TAB2: variants seen among roughly 807,000 people sequenced by gnomAD.
TAB2 encodes the protein TGF-beta-activated kinase 1 and MAP3K7-binding protein 2.
A neutral mutation model predicts 65.0 loss-of-function variants in TAB2; 3 were observed. That is an observed-to-expected ratio of 0.05 (90% CI 0.02 to 0.12). The LOEUF (loss-of-function observed/expected upper bound fraction) is 0.12. TAB2 is among the 10% of genes least tolerant of loss of function. The pLI is 1.00. For missense variants in TAB2, 623 were observed against 840.3 expected (o/e 0.74, Z 3.20); for synonymous variants, 298 against 285.1 (o/e 1.05, Z -0.46).
intron 1 of TAB2, among the ~76,000 whole-genome samples, chr6:149,333,035 T>C (rs772353801): frequency 1.1e-4 from 17 of 152,266 alleles, no homozygotes; most frequent in Non-Finnish European, 2.2e-4. Context: ...ATTATCTGTT[T>C]ACTTTTCAGT....
upstream of TAB2, among the ~76,000 whole-genome samples, chr6:149,315,493 AG>A (rs1779233417): frequency 6.6e-6 from 1 of 152,248 alleles, no homozygotes; most frequent in Non-Finnish European, 1.5e-5. Context: ...CTTATAAACA[AG>A]GATATTCTCA....
intron 1 of TAB2, among the ~76,000 whole-genome samples, chr6:149,342,262 C>T (rs1780154065): frequency 1.3e-5 from 2 of 151,862 alleles, no homozygotes; most frequent in South Asian, 2.1e-4. Context: ...ATTAGGGGAG[C>T]GTTTAGAAGA....
At chr6:149,317,281 C>A (rs1467934516), upstream of TAB2, among the ~76,000 whole-genome samples, 1 of 152,072 alleles carries the variant, frequency 6.6e-6, no homozygotes, top group Non-Finnish European at 1.5e-5. The surrounding 1 kb of genome is among the most constrained non-coding windows in gnomAD (Gnocchi z 4.7). Flanking sequence ...CCGGGCTGCC[C>A]GCACCGGCAC....
At chr6:149,380,504 CTA>C (rs1562444226) in intron 3 of TAB2, among the ~76,000 whole-genome samples, 8 of 152,068 alleles carry the variant, frequency 5.3e-5, no homozygotes, top group Admixed American at 6.6e-5. Flanking sequence ...TACATTATGT[CTA>C]TATTAATTCA....
At chr6:149,408,776 T>C (rs1219760957) in intron 6 of TAB2, among the ~76,000 whole-genome samples, 1 of 152,216 alleles carries the variant, frequency 6.6e-6, no homozygotes, top group Non-Finnish European at 1.5e-5. Flanking sequence ...AATTATTCTC[T>C]GTATTTAAGA....
intron 6 of TAB2, among the ~76,000 whole-genome samples, chr6:149,403,246 AAATATATATATATATATAT>A (rs1183956029): frequency 1.6e-4 from 5 of 31,704 alleles, no homozygotes; most frequent in African/African-American, 8.9e-4. Context: ...AAAAAAAAAA[AAATATATATATATATATAT>A]ATATATATAT....
chr6:149,371,021 G>C (rs1435409825), intron 2 of TAB2, among the ~76,000 whole-genome samples: 1 of 136,618 alleles, frequency 7.3e-6, no homozygotes, highest in Admixed American at 8.1e-5. Context: ...AGCTGGGATC[G>C]CGCCACTACA....
chr6:149,349,646 A>G (rs1157512266), intron 1 of TAB2, among the ~76,000 whole-genome samples: 1 of 152,174 alleles, frequency 6.6e-6, no homozygotes, highest in African/African-American at 2.4e-5. Context: ...AAATTGACTT[A>G]ATGTTCAAAT....
At chr6:149,310,106 G>A (rs1779143738) in intron 1 of TAB2, among the ~76,000 whole-genome samples, 2 of 151,944 alleles carry the variant, frequency 1.3e-5, no homozygotes, top group African/African-American at 4.8e-5. Flanking sequence ...CGGGAGATGG[G>A]CCGACTGCTT....
In TAB2 at chr6:149,401,849, T is replaced by G. The variant is rs1284260518; in HGVS notation, c.1939+2665T>G. ...AAAATTTGTGGAAATTTAAACACAG[T>G]CTTGAATAATCATTGAGTCAAGAAG... On this transcript the variant is annotated intron_variant, in intron 6 of 6. Coordinates refer to ENST00000637181, the MANE Select transcript of TAB2 (RefSeq NM_001292034.3). Among the ~76,000 whole-genome samples the G allele has an allele frequency of 2.0e-5, 3 of 151,076 alleles. No individual in the cohort carries two copies. In the East Asian group the frequency reaches 5.8e-4, roughly 29 times the overall value.
At chr6:149,247,658 G>A (rs928595856) in intron 1 of TAB2, 2 of 152,212 alleles carry the variant, frequency 1.3e-5, no homozygotes, top group African/African-American at 4.8e-5. Flanking sequence ...GAACTCATTA[G>A]AGAGCTGCCA....
chr6:149,362,144 CA>C (rs1422400200), intron 1 of TAB2, among the ~76,000 whole-genome samples: 10 of 152,222 alleles, frequency 6.6e-5, no homozygotes, highest in African/African-American at 2.4e-4. Flanking sequence ...TCCACATTTT[CA>C]AGTATCTTTA....
chr6:149,350,485 T>C (rs1422299446), intron 1 of TAB2, among the ~76,000 whole-genome samples: 7 of 152,196 alleles, frequency 4.6e-5, no homozygotes, highest in Non-Finnish European at 8.8e-5. Context: ...TTTTAGCGTA[T>C]GTTGAAATGG....
intron 1 of TAB2, among the ~76,000 whole-genome samples, chr6:149,241,076 T>C (rs1201045073): frequency 6.6e-6 from 1 of 151,858 alleles, no homozygotes; most frequent in Non-Finnish European, 1.5e-5. Flanking sequence ...AAAAAAGAGG[T>C]TGTGTAAGGA....
chr6:149,274,560 T>G (rs749126332), intron 1 of TAB2, among the ~76,000 whole-genome samples: 13 of 152,208 alleles, frequency 8.5e-5, no homozygotes, highest in Admixed American at 2.0e-4. Context: ...AGCAGAAGCT[T>G]CCTGCAAGAT....
At chr6:149,254,961 G>T (rs570533970) in intron 1 of TAB2, among the ~76,000 whole-genome samples, 2 of 152,288 alleles carry the variant, frequency 1.3e-5, no homozygotes, top group East Asian at 3.9e-4. Context: ...CCTTAAAGTT[G>T]TTGCTGGAAT....
At chr6:149,312,019 A>G (rs1779174096) in intron 1 of TAB2, among the ~76,000 whole-genome samples, 1 of 152,328 alleles carries the variant, frequency 6.6e-6, no homozygotes, top group East Asian at 1.9e-4. Flanking sequence ...TCATGAAAGG[A>G]AGGGAGAGAT....
At chr6:149,408,293 G>A (rs1016334950) in intron 6 of TAB2, among the ~76,000 whole-genome samples, 3 of 152,004 alleles carry the variant, frequency 2.0e-5, no homozygotes, top group African/African-American at 7.3e-5. Flanking sequence ...TTCAGTTTGG[G>A]GAAAATACTG....
At chr6:149,326,809 T>A (rs1482628899) in intron 1 of TAB2, among the ~76,000 whole-genome samples, 1 of 152,184 alleles carries the variant, frequency 6.6e-6, no homozygotes, top group Non-Finnish European at 1.5e-5. Flanking sequence ...TCAGCCTTGC[T>A]TTTTTAAGCG....
Sources: allele counts gnomAD v4.1 joint callset (sites outside exome capture counted in the v4.1 genomes callset), GRCh38; gene constraint gnomAD v4.1.1; non-coding constraint Gnocchi (gnomAD v3.1); transcripts MANE v1.5; gene names NCBI Gene and HGNC (gene_info 2026-07-23, HGNC 2026-07-21).